DLG4: variants seen among roughly 807,000 people sequenced by gnomAD.
DLG4 encodes disks large homolog 4.
A neutral mutation model predicts 93.8 loss-of-function variants in DLG4; 7 were observed. That is an observed-to-expected ratio of 0.07 (90% CI 0.04 to 0.14). DLG4 has a LOEUF of 0.14. Ranked by LOEUF, DLG4 falls within the 10% of genes least tolerant of loss-of-function variation. DLG4 has a pLI of 1.00. For synonymous variants in DLG4, 341 were observed against 387.6 expected (o/e 0.88, Z 1.41); for missense variants, 545 against 992.9 (o/e 0.55, Z 6.06).
chr17:7,213,660 TGAAAGCC>T (rs2070794974), intron 1 of DLG4: 1 of 433,506 alleles, frequency 2.3e-6, no homozygotes, highest in Non-Finnish European at 4.8e-6. Flanking sequence ...CAACTTAACC[TGAAAGCC>T]TCTCTTCCAA....
chr17:7,191,873 G>GC lies in DLG4; in HGVS notation c.1976+19dup. On this transcript the variant is annotated intron_variant, in intron 18 of 19. Coordinates refer to ENST00000399506, the MANE Select transcript of DLG4 (RefSeq NM_001321075.3). This position sits in a 1 kb window ranked among gnomAD's most constrained non-coding sequence, Gnocchi z 6.6. ...CAGGTGTTGGGGGAGCAAAGGGGAGGCCCCCAGGACCATACTCACAGCACA... is the reference window on the plus strand; with the variant it reads ...CAGGTGTTGGGGGAGCAAAGGGGAGGCCCCCCAGGACCATACTCACAGCACA... 7.0e-7 allele frequency: 1 copy of GC among 1,423,324 alleles called. No homozygotes were observed. 88.2% of individuals were successfully genotyped at this position (1,423,324 alleles called of 1,614,324 possible).
In DLG4 at chr17:7,188,803, A is replaced by G. The variant is rs1408745595; in HGVS notation, c.*1905T>C. Among the ~76,000 whole-genome samples, 2 of 152,088 alleles carry G rather than the reference A, an allele frequency of 1.3e-5. No individual in the cohort carries two copies. The highest frequency in any genetic ancestry group is 2.9e-5 in the Non-Finnish European group (2 of 68,022). On this transcript the variant is annotated 3_prime_UTR_variant, in exon 20 of 20. Coordinates refer to ENST00000399506, the MANE Select transcript of DLG4 (RefSeq NM_001321075.3). The stretch of plus-strand genomic sequence containing the variant: ...CTCATTATTTACAAAGCTGCCTCAG[A>G]TCTTTCCCATAGAGATAGGACATAA...
intron 1 of DLG4, among the ~76,000 whole-genome samples, chr17:7,210,294 A>C (rs895204190): frequency 6.6e-6 from 1 of 152,204 alleles, no homozygotes; most frequent in African/African-American, 2.4e-5. Context: ...TCCTGTCAGC[A>C]CGAAAACTCT....
chr17:7,205,535 C>T (rs766523427), intron 2 of DLG4, among the ~76,000 whole-genome samples: 37 of 152,280 alleles, frequency 2.4e-4, no homozygotes, highest in Non-Finnish European at 4.4e-4. Flanking sequence ...CCCTCTCCTA[C>T]TGCTATTTCT....
chr17:7,213,559 C>T (rs2070791920), intron 1 of DLG4, among the ~76,000 whole-genome samples: 1 of 152,100 alleles, frequency 6.6e-6, no homozygotes, highest in African/African-American at 2.4e-5. Flanking sequence ...ACCAAAGATA[C>T]GGCCGGCAAT....
rs771601266 is a variant in DLG4, at chr17:7,208,269, G to T, written c.31-30C>A. The T allele has an allele frequency of 9.2e-6, 12 of 1,310,368 alleles. No individual in the cohort carries two copies. Among genetic ancestry groups the T allele is most frequent in the Non-Finnish European group, 1.2e-5 (12 of 1,021,136 alleles). 81.2% of individuals were successfully genotyped at this position (1,310,368 alleles called of 1,614,324 possible). ...GGATGGGGACGGAGGTGTCACTGGG[G>T]CCAGCCCGGTGCCTCAGGCTCCAGG... On this transcript the variant is annotated intron_variant, in intron 1 of 19. Coordinates refer to ENST00000399506, the MANE Select transcript of DLG4 (RefSeq NM_001321075.3). The surrounding 1 kb of genome is among the most constrained non-coding windows in gnomAD (Gnocchi z 5.4).
chr17:7,193,596 G>T lies in DLG4; in HGVS notation c.1592-12C>A. ...GCGAGCATAGTGCACTGCAGAGAGA[G>T]CCTGGCTTAGGCCGAGCGCAGGGTT... On this transcript the variant is annotated splice_polypyrimidine_tract_variant and intron_variant, in intron 15 of 19. Coordinates refer to ENST00000399506, the MANE Select transcript of DLG4 (RefSeq NM_001321075.3). This position sits in a 1 kb window ranked among gnomAD's most constrained non-coding sequence, Gnocchi z 6.7. 2 of 1,524,552 alleles carry T rather than the reference G, an allele frequency of 1.3e-6. No homozygotes were observed. The highest frequency in any genetic ancestry group is 2.6e-5 in the South Asian group (2 of 75,568). 94.4% of individuals were successfully genotyped at this position (1,524,552 alleles called of 1,614,324 possible). A position where few individuals can be genotyped will look rare whatever the true frequency, so the allele number is the denominator to read the frequency against.
In DLG4 at chr17:7,190,117, T is replaced by A. The variant is rs2069410632; in HGVS notation, c.*591A>T. The A allele has an allele frequency of 6.8e-6, 1 of 146,980 alleles. No individual in the cohort carries two copies. The highest frequency in any genetic ancestry group is 2.1e-4 in the South Asian group (1 of 4,686). The allele number at this position is 146,980 out of a possible 1,614,324, so 9.1% of individuals were successfully genotyped here. On this transcript the variant is annotated 3_prime_UTR_variant, in exon 20 of 20. Coordinates refer to ENST00000399506, the MANE Select transcript of DLG4 (RefSeq NM_001321075.3). ...AAGCCACATTTAGACCTTCCACTCA[T>A]GCAAACCGGCAAAGAAAAATGGTGG...
chr17:7,197,112 C>A, intron 8 of DLG4, 60 bp from the exon 9 acceptor site: 1 of 1,497,468 alleles, frequency 6.7e-7, no homozygotes, highest in Non-Finnish European at 9.0e-7. Context: ...GCCACCCAAC[C>A]TTCTCCCCAG....
intron 1 of DLG4, among the ~76,000 whole-genome samples, chr17:7,212,834 A>C (rs1597494090): frequency 6.6e-6 from 1 of 152,088 alleles, no homozygotes; most frequent in African/African-American, 2.4e-5. Context: ...GGCGTTCCAG[A>C]CCAGCCTGGC....
At chr17:7,200,921 G>A (rs2070097979) in intron 8 of DLG4, among the ~76,000 whole-genome samples, 1 of 140,142 alleles carries the variant, frequency 7.1e-6, no homozygotes, top group Non-Finnish European at 1.5e-5. Flanking sequence ...GTGCAGTGGT[G>A]AGATCTTGGC....
chr17:7,193,502 C>T lies in DLG4; in HGVS notation c.1674G>A (p.Lys558=). The T allele has an allele frequency of 6.5e-7, 1 of 1,537,722 alleles. No homozygotes were observed. The highest frequency in any genetic ancestry group is 1.3e-5 in the South Asian group (1 of 76,258). Residue 558 remains lysine, a synonymous_variant, in exon 16 of 20, where the codon AAG becomes AAA. Transcript: ENST00000399506. This position sits in a 1 kb window ranked among gnomAD's most constrained non-coding sequence, Gnocchi z 6.7. ...NDDLLSEFPD[K]FGSCVPHTTR... is the part of the protein sequence containing the mutation. ...ACTCACGGGGAACACAGGATCCAAA[C>T]TTGTCGGGGAACTCGGAGAGAAGAT... is the stretch of plus-strand genomic sequence containing the variant.
chr17:7,214,704 G>A (rs1236947741), intron 1 of DLG4, among the ~76,000 whole-genome samples: 2 of 152,182 alleles, frequency 1.3e-5, no homozygotes, highest in Non-Finnish European at 2.9e-5. Flanking sequence ...CGCAGCTTCA[G>A]TCGTCGCCGG....
chr17:7,193,699 A>T lies in DLG4; in HGVS notation c.1559T>A (p.Val520Asp), dbSNP rs1276488507. Residue 520 changes from valine (V) to aspartate (D), a missense_variant, in exon 15 of 20, where the codon GTT becomes GAT. This residue lies in a region of DLG4 where 428 missense variants were observed against 741.4 expected (regional missense o/e 0.58). Coordinates refer to ENST00000399506, the MANE Select transcript of DLG4 (RefSeq NM_001321075.3). This position sits in a 1 kb window ranked among gnomAD's most constrained non-coding sequence, Gnocchi z 6.7. ...SSGSQGREDS[V>D]LSYETVTQME... ...CTGCGTCACTGTCTCGTAGCTCAGAACCGAGTCTTCTCGACCTGGTGGGAG... is the reference window on the plus strand; with the variant it reads ...CTGCGTCACTGTCTCGTAGCTCAGATCCGAGTCTTCTCGACCTGGTGGGAG... 1.3e-6 allele frequency: 2 copies of T among 1,572,522 alleles called. No homozygotes were observed.
chr17:7,219,381 C>A, upstream of DLG4: 1 of 1,012,342 alleles, frequency 9.9e-7, no homozygotes. Flanking sequence ...AAGGGAGGGG[C>A]AGTGAATCTG....
chr17:7,218,337 C>T (rs528335382), upstream of DLG4: 18 of 1,554,534 alleles, frequency 1.2e-5, no homozygotes, highest in African/African-American at 1.9e-4. Flanking sequence ...CCAGGCACAT[C>T]ACCCCTGTCA....
Position 7,191,947 on chromosome 17 carries a change from G to A in DLG4, c.1922C>T (p.Ala641Val). 1.3e-6 allele frequency: 2 copies of A among 1,487,064 alleles called. No homozygotes were observed. The highest frequency in any genetic ancestry group is 1.8e-6 in the Non-Finnish European group (2 of 1,115,640). The allele number at this position is 1,487,064 out of a possible 1,614,324, so 92.1% of individuals were successfully genotyped here. ...GAAGATGGCGATGGGGTGCAGGTGGGCCGCCTGCAGCCGCCGCACGGCATT... is the reference window on the plus strand; with the variant it reads ...GAAGATGGCGATGGGGTGCAGGTGGACCGCCTGCAGCCGCCGCACGGCATT... ...SANAVRRLQA[A>V]HLHPIAIFIR... Residue 641 changes from alanine to valine, a missense_variant, in exon 18 of 20, where the codon GCC becomes GTC. Ala to Val is a moderately conservative substitution (Grantham distance 64, BLOSUM62 0). Transcript: ENST00000399506. The surrounding 1 kb of genome is among the most constrained non-coding windows in gnomAD (Gnocchi z 6.6).
In DLG4 at chr17:7,191,361, G is replaced by A; in HGVS notation, c.1977-3C>T. The A allele has an allele frequency of 5.0e-6, 8 of 1,613,634 alleles. No homozygotes were observed. The highest frequency in any genetic ancestry group is 5.9e-6 in the Non-Finnish European group (7 of 1,179,688). ...CTGTGATCCGCTTGTTAATCTCTCTGTGAAGAGGGAGGGAGAGCAGGCCTG... is the reference window on the plus strand; with the variant it reads ...CTGTGATCCGCTTGTTAATCTCTCTATGAAGAGGGAGGGAGAGCAGGCCTG... On this transcript the variant is annotated splice_polypyrimidine_tract_variant and splice_region_variant and intron_variant, in intron 18 of 19. Coordinates refer to ENST00000399506, the MANE Select transcript of DLG4 (RefSeq NM_001321075.3). This position sits in a 1 kb window ranked among gnomAD's most constrained non-coding sequence, Gnocchi z 6.6.
At chr17:7,219,926 G>GTGCAGGACGCGGGCC (rs756798696), upstream of DLG4, 41 of 1,572,928 alleles carry the variant, frequency 2.6e-5, no homozygotes, top group Non-Finnish European at 3.3e-5. Context: ...GGACGTGGGC[G>GTGCAGGACGCGGGCC]TGCAGGACGC....
Sources: allele counts gnomAD v4.1 joint callset (sites outside exome capture counted in the v4.1 genomes callset), GRCh38; gene constraint gnomAD v4.1.1; regional missense constraint gnomAD v4.1.1; non-coding constraint Gnocchi (gnomAD v3.1); transcripts MANE v1.5; gene names NCBI Gene and HGNC (gene_info 2026-07-23, HGNC 2026-07-21).